The following CACNA2D1 variants were observed in gnomAD, a reference collection of about 807,000 sequenced individuals.
CACNA2D1 encodes the protein voltage-dependent calcium channel subunit alpha-2/delta-1.
CACNA2D1 carries 53 observed loss-of-function variants against 171.5 expected under a neutral mutation model. The observed-to-expected ratio is 0.31, with a 90% CI of 0.25 to 0.39. The LOEUF is 0.39. CACNA2D1 is among the 10% of genes least tolerant of loss of function. The pLI, the probability that CACNA2D1 is intolerant of heterozygous loss-of-function variation, is 1.00. For missense variants in CACNA2D1, 903 were observed against 1,299.8 expected, an observed-to-expected ratio of 0.69 and a Z score of 4.69; for synonymous variants, 442 against 443.1, an observed-to-expected ratio of 1.00 and a Z score of 0.03.
intron 11 of CACNA2D1, among the ~76,000 whole-genome samples, chr7:82,037,592 C>T (rs1803457057): frequency 2.0e-5 from 3 of 152,060 alleles, no homozygotes; most frequent in Admixed American, 1.3e-4. Context: ...AATTCCTGCT[C>T]CGGGAGTTGC....
chr7:82,146,931 G>A (rs896641159), intron 4 of CACNA2D1, among the ~76,000 whole-genome samples: 6 of 130,576 alleles, frequency 4.6e-5, no homozygotes, highest in Non-Finnish European at 9.3e-5. Context: ...GTTGCAGTGA[G>A]CCGAGTCAGC....
At chr7:82,024,790 G>C (rs548598371) in intron 12 of CACNA2D1, among the ~76,000 whole-genome samples, 8 of 151,562 alleles carry the variant, frequency 5.3e-5, no homozygotes, top group Non-Finnish European at 7.4e-5. Flanking sequence ...TTAAATTTTA[G>C]ATTTTAATCC....
intron 36 of CACNA2D1, among the ~76,000 whole-genome samples, chr7:81,960,041 G>A (rs192867913): frequency 1.8e-4 from 28 of 152,076 alleles, no homozygotes; most frequent in Admixed American, 1.2e-3. Context: ...TAAAAAAATT[G>A]CAATATATGT....
At chr7:82,063,418 C>T (rs1807197698) in intron 9 of CACNA2D1, among the ~76,000 whole-genome samples, 1 of 152,052 alleles carries the variant, frequency 6.6e-6, no homozygotes, top group Admixed American at 6.6e-5. Context: ...CTTTCTCAGA[C>T]TGGGTTATGA....
intron 3 of CACNA2D1, among the ~76,000 whole-genome samples, chr7:82,184,143 C>T (rs1211358515): frequency 4.8e-5 from 7 of 145,736 alleles, no homozygotes; most frequent in African/African-American, 1.5e-4. Flanking sequence ...GTTTTGCTAA[C>T]GTTGCTGTGG....
At chr7:81,966,391 C>T (rs1794710172) in intron 31 of CACNA2D1, among the ~76,000 whole-genome samples, 1 of 151,456 alleles carries the variant, frequency 6.6e-6, no homozygotes. Context: ...AATATTTGCT[C>T]TTAAAACAGC....
intron 4 of CACNA2D1, among the ~76,000 whole-genome samples, chr7:82,148,101 C>A (rs1793354367): frequency 6.6e-6 from 1 of 151,916 alleles, no homozygotes; most frequent in Admixed American, 6.6e-5. Flanking sequence ...CAACAATAAT[C>A]AAATAGAATA....
At chr7:82,268,712 A>C (rs534984766) in intron 3 of CACNA2D1, among the ~76,000 whole-genome samples, 1 of 124,532 alleles carries the variant, frequency 8.0e-6, no homozygotes, top group Admixed American at 8.2e-5. Flanking sequence ...AGAATTTGAG[A>C]GATACCTGAG....
In CACNA2D1 at chr7:82,026,197, T is replaced by C. The variant is rs192467863; in HGVS notation, c.1143+6600A>G. On this transcript the variant is annotated intron_variant, in intron 12 of 38. Coordinates refer to ENST00000356860, the MANE Select transcript of CACNA2D1 (RefSeq NM_000722.4). ...CCTTAAATCTAAAGTGAACTTCTGA[T>C]AGGCAGCATATAGTGTGGTTTTGTT... 4.3e-4 allele frequency among the ~76,000 whole-genome samples: 65 copies of C among 151,706 alleles called. 1 individual carries two copies. The Admixed American group carries it at 4.3e-3, about 10-fold the overall frequency.
chr7:82,370,437 G>A (rs1414955551), intron 1 of CACNA2D1, among the ~76,000 whole-genome samples: 2 of 151,852 alleles, frequency 1.3e-5, no homozygotes, highest in African/African-American at 4.8e-5. Flanking sequence ...AAGAAACTCA[G>A]CCTCATTAAT....
At chr7:81,959,191 A>T in intron 38 of CACNA2D1, 84 bp downstream of exon 38, 1 of 972,898 alleles carries the variant, frequency 1.0e-6, no homozygotes, top group Non-Finnish European at 1.7e-6. Context: ...CGTTTGAGTT[A>T]AAATTGCAAT....
At chr7:82,361,445 T>C (rs950007931) in intron 1 of CACNA2D1, among the ~76,000 whole-genome samples, 9 of 152,120 alleles carry the variant, frequency 5.9e-5, no homozygotes, top group Non-Finnish European at 1.3e-4. Context: ...GTCCAAGTAA[T>C]ACAGAAAAAG....
intron 6 of CACNA2D1, among the ~76,000 whole-genome samples, chr7:82,102,751 T>C (rs960827819): frequency 1.3e-5 from 2 of 152,104 alleles, no homozygotes; most frequent in Non-Finnish European, 2.9e-5. Context: ...TTGAAAGTCA[T>C]ACATGTCACT....
chr7:81,963,220 ACT>A (rs894316359), intron 34 of CACNA2D1, among the ~76,000 whole-genome samples: 62 of 151,912 alleles, frequency 4.1e-4, no homozygotes, highest in African/African-American at 1.2e-3. Context: ...TCTTTTAAAA[ACT>A]CTCAAAATTT....
chr7:82,171,630 A>G (rs557476951), intron 3 of CACNA2D1, among the ~76,000 whole-genome samples: 3 of 152,234 alleles, frequency 2.0e-5, no homozygotes, highest in Non-Finnish European at 4.4e-5. Flanking sequence ...AACAATATAT[A>G]TGTCAACTAT....
At chr7:81,972,836 C>T (rs1795429030) in intron 25 of CACNA2D1, among the ~76,000 whole-genome samples, 1 of 151,924 alleles carries the variant, frequency 6.6e-6, no homozygotes, top group African/African-American at 2.4e-5. Context: ...AGGCTGGAAA[C>T]ATTTTTGTTG....
chr7:82,028,728 C>A (rs1012643601), intron 12 of CACNA2D1: 1 of 151,756 alleles, frequency 6.6e-6, no homozygotes, highest in Non-Finnish European at 1.5e-5. Flanking sequence ...GAGGATGTAA[C>A]AGCAGATGTG....
At chr7:81,961,627 A>C (rs1794129701) in intron 36 of CACNA2D1, among the ~76,000 whole-genome samples, 1 of 151,908 alleles carries the variant, frequency 6.6e-6, no homozygotes, top group South Asian at 2.1e-4. Flanking sequence ...AAGAGAAAGG[A>C]ATTATCTTGA....
At chr7:82,364,876 ACT>A (rs1821504549) in intron 1 of CACNA2D1, among the ~76,000 whole-genome samples, 1 of 152,056 alleles carries the variant, frequency 6.6e-6, no homozygotes, top group Non-Finnish European at 1.5e-5. Flanking sequence ...AATGCAAGAG[ACT>A]CTGTTGTGTT....
Sources: allele counts gnomAD v4.1 joint callset (sites outside exome capture counted in the v4.1 genomes callset), GRCh38; gene constraint gnomAD v4.1.1; transcripts MANE v1.5; gene names NCBI Gene and HGNC (gene_info 2026-07-23, HGNC 2026-07-21).